The following SMYD5 variants were observed in gnomAD, a reference collection of about 807,000 sequenced individuals.
SMYD5 encodes the protein protein-lysine N-trimethyltransferase SMYD5.
Under a neutral mutation model 57.4 loss-of-function variants are expected in SMYD5, and 35 were observed. The ratio of observed to expected loss-of-function variants is 0.61; its 90% confidence interval spans 0.47 to 0.81. The LOEUF is 0.81. SMYD5 is among the 30% of genes least tolerant of loss of function. The probability of loss-of-function intolerance (pLI) is 0.00; values close to 1 mark genes in which losing one functional copy is unlikely to be tolerated. For missense variants in SMYD5, 471 were observed against 527.9 expected, an observed-to-expected ratio of 0.89 and a Z score of 1.06; for synonymous variants, 198 against 189.7, an observed-to-expected ratio of 1.04 and a Z score of -0.36.
intron 6 of SMYD5, among the ~76,000 whole-genome samples, chr2:73,222,247 C>T (rs1490272949): frequency 2.0e-5 from 3 of 152,158 alleles, no homozygotes; most frequent in East Asian, 1.9e-4. Context: ...AGAATGGGGC[C>T]GCAGAATCAG....
rs554531603 is a variant in SMYD5, at chr2:73,222,773, C to T, written c.661C>T (p.Arg221Trp). The change falls in exon 7 of 13, where the codon CGG becomes TGG. Residue 221 changes from arginine (R) to tryptophan (W), a missense_variant. Physicochemically the swap from Arg to Trp is moderately radical, Grantham distance 101. Coordinates refer to ENST00000389501, the MANE Select transcript of SMYD5 (RefSeq NM_006062.3). Reference protein sequence around the residue: ...DKFKGQLELLRRLFTEALYEE... With the variant: ...DKFKGQLELLWRLFTEALYEE... ...AATCCAGGGCCAACTGGAACTTCTGCGGAGACTCTTCACAGAGGCCCTCTA... is the reference window on the plus strand; with the variant it reads ...AATCCAGGGCCAACTGGAACTTCTGTGGAGACTCTTCACAGAGGCCCTCTA... 3.0e-5 allele frequency: 49 copies of T among 1,613,030 alleles called. No individual in the cohort carries two copies. Among genetic ancestry groups the T allele is most frequent in the African/African-American group, 4.0e-5 (3 of 75,020 alleles).
intron 1 of SMYD5, 194 bp downstream of exon 1, chr2:73,214,556 G>C (rs1574338257): frequency 1.3e-6 from 2 of 1,485,762 alleles, no homozygotes; most frequent in Non-Finnish European, 1.8e-6. Flanking sequence ...ATAGACCCGG[G>C]CCTCCGGAGT....
chr2:73,224,238 T>TA (rs1159460889), intron 10 of SMYD5, among the ~76,000 whole-genome samples: 1 of 152,202 alleles, frequency 6.6e-6, no homozygotes. Context: ...TATAAAACCT[T>TA]ACAATAGGCC....
At chr2:73,225,495 A>G in intron 11 of SMYD5, 136 bp from the exon 12 acceptor site, 1 of 771,016 alleles carries the variant, frequency 1.3e-6, no homozygotes, top group African/African-American at 1.7e-5. Flanking sequence ...GAGGGCAGCC[A>G]GCCCCTTCAC....
intron 1 of SMYD5, chr2:73,214,641 T>G: frequency 6.0e-6 from 9 of 1,494,972 alleles, no homozygotes; most frequent in Non-Finnish European, 8.1e-6. Flanking sequence ...GGGGCGGGGC[T>G]AGGGGGCTTT....
At chr2:73,215,736 A>G (rs1686283402) in intron 1 of SMYD5, among the ~76,000 whole-genome samples, 1 of 151,972 alleles carries the variant, frequency 6.6e-6, no homozygotes, top group Admixed American at 6.6e-5. Flanking sequence ...CCAGGCTTCT[A>G]TCAAGGCCCT....
intron 11 of SMYD5, 118 bp downstream of exon 11, chr2:73,225,078 C>G (rs1686474233): frequency 1.1e-5 from 8 of 706,202 alleles, no homozygotes; most frequent in Non-Finnish European, 1.9e-5. Context: ...GGTGGAATCC[C>G]CACATACCTT....
chr2:73,221,580 A>G (rs1574341088), intron 5 of SMYD5, among the ~76,000 whole-genome samples: 1 of 152,170 alleles, frequency 6.6e-6, no homozygotes, highest in East Asian at 1.9e-4. Context: ...AAAGCGAGAG[A>G]AGCCACTCTA....
chr2:73,214,295 CCTT>C lies in SMYD5; in HGVS notation c.32_34del (p.Phe11del), dbSNP rs766987772. On this transcript the variant is annotated inframe_deletion, in exon 1 of 13. Transcript: ENST00000389501. ...GCGGCCTCCATGTGCGACGTGTTCT[CCTT>C]CTGCGTGGGCGTGGCGGGCCGCGCG... is the stretch of plus-strand genomic sequence containing the variant. 1.1e-4 allele frequency: 172 copies of C among 1,613,924 alleles called. No homozygotes were observed. Among genetic ancestry groups the C allele is most frequent in the Admixed American group, 7.3e-4 (44 of 60,022 alleles).
chr2:73,222,733 C>T (rs763804709), intron 6 of SMYD5, 22 bp from the exon 7 acceptor site: 1 of 1,599,810 alleles, frequency 6.3e-7, no homozygotes, highest in Non-Finnish European at 8.5e-7. Flanking sequence ...ATACAAGTCT[C>T]TCCCTGCTTC....
chr2:73,225,107 C>T (rs535937172), intron 11 of SMYD5, 147 bp downstream of exon 11: 1 of 622,594 alleles, frequency 1.6e-6, no homozygotes, highest in East Asian at 2.8e-5. Context: ...AGTCTTTCAG[C>T]TCATGGTTAG....
At chr2:73,221,032 G>A (rs1318259705) in intron 4 of SMYD5, 133 bp from the exon 5 acceptor site, 5 of 905,186 alleles carry the variant, frequency 5.5e-6, no homozygotes, top group Admixed American at 4.1e-5. Flanking sequence ...TCTTGCCTAA[G>A]TCCTTGTCTA....
Position 73,226,881 on chromosome 2 carries a change from TC to T in SMYD5, c.*937del, listed in dbSNP as rs1686518023. The T allele has an allele frequency of 6.6e-6, 1 of 152,648 alleles. No individual in the cohort carries two copies. 9.5% of individuals were successfully genotyped at this position (152,648 alleles called of 1,614,324 possible). A position where few individuals can be genotyped will look rare whatever the true frequency, so the allele number is the denominator to read the frequency against. On this transcript the variant is annotated 3_prime_UTR_variant, in exon 13 of 13. Transcript: ENST00000389501. ...TCTCCACAGACTAACATTGAAGTCT[TC>T]CAGAAACCTCGAGGAGCTGGGCTAG...
In SMYD5 at chr2:73,218,896, G is replaced by C. The variant is rs186495859; in HGVS notation, c.132G>C (p.Lys44Asn). 1.9e-6 allele frequency: 3 copies of C among 1,614,130 alleles called. No homozygotes were observed. Among genetic ancestry groups the C allele is most frequent in the African/African-American group, 2.7e-5 (2 of 75,052 alleles). ...KGLFATQLIR[K>N]GETIFVERPL... is the part of the protein sequence containing the mutation. ...TGTTTGCCACACAGCTCATCCGGAA[G>C]GGGGAGACCATCTTCGTAGAACGGC... The change falls in exon 2 of 13, where the codon AAG becomes AAC. Residue 44 changes from lysine to asparagine, a missense_variant. Transcript: ENST00000389501.
intron 8 of SMYD5, 101 bp from the exon 9 acceptor site, chr2:73,223,325 G>T: frequency 1.1e-6 from 1 of 881,738 alleles, no homozygotes; most frequent in Non-Finnish European, 1.9e-6. Context: ...GTGGGGTGGG[G>T]ATGGGAGACC....
At chr2:73,217,079 G>C (rs1686306101) in intron 1 of SMYD5, among the ~76,000 whole-genome samples, 2 of 151,994 alleles carry the variant, frequency 1.3e-5, no homozygotes. Context: ...AGCCTTCCGA[G>C]TAGCTGGGAC....
Position 73,215,511 on chromosome 2 carries a change from C to G in SMYD5, c.96+1149C>G, listed in dbSNP as rs565020096. Among the ~76,000 whole-genome samples, 8 of 152,314 alleles carry G rather than the reference C, an allele frequency of 5.3e-5. No individual in the cohort carries two copies. The East Asian group carries it at 1.3e-3, about 26-fold the overall frequency. On this transcript the variant is annotated intron_variant, in intron 1 of 12. Coordinates refer to ENST00000389501, the MANE Select transcript of SMYD5 (RefSeq NM_006062.3). ...CTGGTAAATCAGCTTCCCTACATCC[C>G]TGGTCTCCTTACCTGTTCCTATCTC...
intron 1 of SMYD5, among the ~76,000 whole-genome samples, chr2:73,216,655 A>C (rs1686297994): frequency 6.6e-6 from 1 of 152,266 alleles, no homozygotes; most frequent in South Asian, 2.1e-4. Flanking sequence ...AGGTCGTGCT[A>C]CTGCACTCCA....
Position 73,225,641 on chromosome 2 carries a change from T to C in SMYD5, c.1046T>C (p.Ile349Thr), listed in dbSNP as rs976200442. ...EDIKPGEEIC[I>T]SYLDCCQRER... ...TTCTCTGCCCTACAGGAAATTTGTA[T>C]CAGCTACTTGGACTGCTGTCAGCGG... is the stretch of plus-strand genomic sequence containing the variant. The change falls in exon 12 of 13, where the codon ATC becomes ACC. Residue 349 changes from isoleucine to threonine, a missense_variant. Ile to Thr is a moderately conservative substitution (Grantham distance 89, BLOSUM62 -1). Transcript: ENST00000389501. The C allele has an allele frequency of 6.2e-7, 1 of 1,614,146 alleles. No homozygotes were observed.
Sources: gnomAD v4.1 joint callset for allele counts (sites outside exome capture counted in the v4.1 genomes callset) on GRCh38, gnomAD v4.1.1 for gene constraint, MANE v1.5 for transcripts, NCBI Gene and HGNC (gene_info 2026-07-23, HGNC 2026-07-21) for gene names.